SFT2D2: variants seen among roughly 807,000 people sequenced by gnomAD.
The protein encoded by SFT2D2 is SFT2 domain containing 2.
Under a neutral mutation model 27.4 loss-of-function variants are expected in SFT2D2, and 21 were observed. The ratio of observed to expected loss-of-function variants is 0.77; its 90% CI spans 0.54 to 1.10. SFT2D2 has a LOEUF of 1.10. Among genes scored for constraint, SFT2D2 ranks in the 50% least tolerant of loss-of-function variants. SFT2D2 has a pLI of 0.00. For synonymous variants in SFT2D2, 72 were observed against 71.7 expected (o/e 1.00, Z -0.02); for missense variants, 187 against 194.2 (o/e 0.96, Z 0.22).
At position 168,249,450 on chromosome 1, in the gene SFT2D2, G is replaced by C. The variant is rs1487510993; in HGVS notation, c.*6910G>C. The C allele has an allele frequency of 6.6e-6, 1 of 152,624 alleles. No homozygotes were observed. The highest frequency in any genetic ancestry group is 1.5e-5 in the Non-Finnish European group (1 of 68,096). 9.5% of individuals were successfully genotyped at this position (152,624 alleles called of 1,614,324 possible). On this transcript the variant is annotated 3_prime_UTR_variant, in exon 8 of 8. Transcript: ENST00000271375. ...AGGGTTTCACCATGTTGGCCAGGCTGGTCTCGAACTCCTGACCTCAAGTGA... is the reference window on the plus strand; with the variant it reads ...AGGGTTTCACCATGTTGGCCAGGCTCGTCTCGAACTCCTGACCTCAAGTGA...
At position 168,246,374 on chromosome 1, in the gene SFT2D2, G is replaced by T; in HGVS notation, c.*3834G>T. 1.7e-6 allele frequency: 1 copy of T among 571,976 alleles called. No individual in the cohort carries two copies. Among genetic ancestry groups the T allele is most frequent in the Non-Finnish European group, 2.9e-6 (1 of 348,024 alleles). 35.4% of individuals were successfully genotyped at this position (571,976 alleles called of 1,614,324 possible). A position where few individuals can be genotyped will look rare whatever the true frequency, so the allele number is the denominator to read the frequency against. The stretch of plus-strand genomic sequence containing the variant: ...GACATAATCTTACTTGCTTTTCTGT[G>T]CATTTTTCTACTTTATCTTGGCCAC... On this transcript the variant is annotated 3_prime_UTR_variant, in exon 8 of 8. Coordinates refer to ENST00000271375, the MANE Select transcript of SFT2D2 (RefSeq NM_199344.3).
chr1:168,232,655 C>T (rs1647356765), intron 3 of SFT2D2, among the ~76,000 whole-genome samples: 1 of 152,208 alleles, frequency 6.6e-6, no homozygotes, highest in African/African-American at 2.4e-5. Flanking sequence ...GCTCCTTCCT[C>T]TTTGTCCCCA....
chr1:168,232,106 G>T (rs1458880232), intron 3 of SFT2D2, among the ~76,000 whole-genome samples, 187 bp downstream of exon 3: 16 of 152,086 alleles, frequency 1.1e-4, no homozygotes, highest in Non-Finnish European at 2.9e-5. Context: ...GAAACACCTG[G>T]GAGAAAGCAG....
At position 168,235,130 on chromosome 1, in the gene SFT2D2, A is replaced by G. The variant is rs1229204310; in HGVS notation, c.266A>G (p.Gln89Arg). The G allele has an allele frequency of 6.2e-7, 1 of 1,614,228 alleles. No homozygotes were observed. The highest frequency in any genetic ancestry group is 1.1e-5 in the South Asian group (1 of 91,086). Residue 89 changes from glutamine to arginine, a missense_variant, in exon 4 of 8, where the codon CAG (glutamine) becomes CGG (arginine). Physicochemically the swap from Gln to Arg is conservative, Grantham distance 43. Transcript: ENST00000271375. Reference protein sequence around the residue: ...STIFLMGPVKQLKRMFEPTRL... With the variant: ...STIFLMGPVKRLKRMFEPTRL... The stretch of plus-strand genomic sequence containing the variant: ...ATCTTCCTCATGGGACCAGTGAAAC[A>G]GCTGAAGCGAATGTTTGAGCCTACT...
chr1:168,237,859 A>G (rs61808470), intron 6 of SFT2D2, among the ~76,000 whole-genome samples: 2 of 95,400 alleles, frequency 2.1e-5, no homozygotes, highest in African/African-American at 7.0e-5. Context: ...GTGTGTGTGT[A>G]TGTTTTTTTT....
In SFT2D2 at chr1:168,246,712, T is replaced by C. The variant is rs762604565; in HGVS notation, c.*4172T>C. 19 of 1,003,702 alleles carry C rather than the reference T, an allele frequency of 1.9e-5. No homozygotes were observed. Among genetic ancestry groups the C allele is most frequent in the Non-Finnish European group, 2.9e-5 (19 of 651,986 alleles). 62.2% of individuals were successfully genotyped at this position (1,003,702 alleles called of 1,614,324 possible). ...CAGTCTACGATGGTATGATTCCATT[T>C]CGTCAGTCTTTGCCTGCTTTGTTTT... On this transcript the variant is annotated 3_prime_UTR_variant, in exon 8 of 8. Transcript: ENST00000271375.
rs182944845 is a variant in SFT2D2 at position 168,240,024 on chromosome 1, T to A, written c.443+864T>A. Among the ~76,000 whole-genome samples the A allele has an allele frequency of 6.3e-3, 958 of 151,524 alleles. 7 individuals are homozygous for A. Among genetic ancestry groups the A allele is most frequent in the African/African-American group, 0.021 (857 of 41,316 alleles). On this transcript the variant is annotated intron_variant, in intron 7 of 7. Transcript: ENST00000271375. ...CCCCGTCTCTACTGAAAATACAAAATATTAGCTGGGCGTGGTGGCAGGCGC... is the reference window on the plus strand; with the variant it reads ...CCCCGTCTCTACTGAAAATACAAAAAATTAGCTGGGCGTGGTGGCAGGCGC...
In SFT2D2 at chr1:168,227,532, TGAAATTTAAC is replaced by T. The variant is rs566301315; in HGVS notation, c.63+1391_63+1400del. Among the ~76,000 whole-genome samples, 535 of 152,380 alleles carry T rather than the reference TGAAATTTAAC, an allele frequency of 3.5e-3. 3 individuals are homozygous for T. The highest frequency in any genetic ancestry group is 6.8e-3 in the Middle Eastern group (2 of 294). On this transcript the variant is annotated intron_variant, in intron 1 of 7. Transcript: ENST00000271375. The stretch of plus-strand genomic sequence containing the variant: ...CTATGGGATCGAATGTTGGAGTCAC[TGAAATTTAAC>T]TTTTTGATATTTCAAAACAAGTTGG...
intron 1 of SFT2D2, among the ~76,000 whole-genome samples, chr1:168,230,257 T>C (rs1700498699): frequency 6.6e-6 from 1 of 152,182 alleles, no homozygotes; most frequent in African/African-American, 2.4e-5. Flanking sequence ...CTACCTACCT[T>C]CTTCCATCAG....
chr1:168,229,025 C>T (rs1164547968), intron 1 of SFT2D2, among the ~76,000 whole-genome samples: 1 of 152,220 alleles, frequency 6.6e-6, no homozygotes, highest in Non-Finnish European at 1.5e-5. Flanking sequence ...GAACTTGCAA[C>T]CACATGTAAT....
intron 1 of SFT2D2, among the ~76,000 whole-genome samples, chr1:168,229,997 C>T (rs1331058575): frequency 6.6e-6 from 1 of 152,182 alleles, no homozygotes; most frequent in Admixed American, 6.5e-5. Context: ...CTAATTTGTG[C>T]CTTCTGTGCA....
rs1470342705 is a variant in SFT2D2 at position 168,252,024 on chromosome 1, CT to C, written c.*9486del. 2.6e-5 allele frequency: 4 copies of C among 152,192 alleles called. No homozygotes were observed. Among genetic ancestry groups the C allele is most frequent in the African/African-American group, 4.8e-5 (2 of 41,444 alleles). The allele number at this position is 152,192 out of a possible 1,614,324, so 9.4% of individuals were successfully genotyped here. ...TTTAGTTCCACTTTGGTTATTTTCACTTCTACCCTAAATTCATAGTCCCTGA... is the reference window on the plus strand; with the variant it reads ...TTTAGTTCCACTTTGGTTATTTTCACTCTACCCTAAATTCATAGTCCCTGA... On this transcript the variant is annotated 3_prime_UTR_variant, in exon 8 of 8. Transcript: ENST00000271375.
chr1:168,226,336 G>C (rs1286127394), intron 1 of SFT2D2, among the ~76,000 whole-genome samples, 194 bp downstream of exon 1: 1 of 151,796 alleles, frequency 6.6e-6, no homozygotes, highest in African/African-American at 2.4e-5. Context: ...GTCCTTTTCT[G>C]CCCCGCGCCC....
At position 168,252,213 on chromosome 1, in the gene SFT2D2, A is replaced by G. The variant is rs1435893854; in HGVS notation, c.*9673A>G. ...ATGTAGAAAATGATTTTTTGTAGAC[A>G]GGATGATCTGTCTAGATTGTAGCAA... On this transcript the variant is annotated 3_prime_UTR_variant, in exon 8 of 8. Transcript: ENST00000271375. The G allele has an allele frequency of 6.6e-6, 1 of 152,226 alleles. No homozygotes were observed. The highest frequency in any genetic ancestry group is 2.4e-5 in the African/African-American group (1 of 41,460). 9.4% of individuals were successfully genotyped at this position (152,226 alleles called of 1,614,324 possible).
intron 5 of SFT2D2, 29 bp downstream of exon 5, chr1:168,236,653 C>A: frequency 6.2e-7 from 1 of 1,613,532 alleles, no homozygotes; most frequent in Non-Finnish European, 8.5e-7. Context: ...TTTTCTTAAC[C>A]ATTTTGGCTT....
At chr1:168,238,520 A>T (rs1482578032) in intron 6 of SFT2D2, among the ~76,000 whole-genome samples, 1 of 151,922 alleles carries the variant, frequency 6.6e-6, no homozygotes, top group Non-Finnish European at 1.5e-5. Flanking sequence ...AACAAAAAAA[A>T]ACATTAAAAA....
At position 168,231,607 on chromosome 1, in the gene SFT2D2, T is replaced by C; in HGVS notation, c.150+7T>C. The stretch of plus-strand genomic sequence containing the variant: ...AATTCTCTGCTCACTGCTGGTAAGA[T>C]TTCCCTTCCTCCTCTGTCTTTTCCT... On this transcript the variant is annotated splice_region_variant and intron_variant, in intron 2 of 7. Transcript: ENST00000271375. 4 of 1,612,826 alleles carry C rather than the reference T, an allele frequency of 2.5e-6. No individual in the cohort carries two copies. In the African/African-American group the frequency reaches 4.0e-5, roughly 16 times the overall value.
chr1:168,236,565 TTAA>T, intron 4 of SFT2D2, 21 bp from the exon 5 acceptor site: 8 of 1,606,948 alleles, frequency 5.0e-6, no homozygotes, highest in Non-Finnish European at 6.8e-6. Flanking sequence ...TTGTCATTAA[TTAA>T]TGTTTCCTTT....
chr1:168,226,906 G>C (rs1017824625), intron 1 of SFT2D2, among the ~76,000 whole-genome samples: 1 of 151,998 alleles, frequency 6.6e-6, no homozygotes, highest in African/African-American at 2.4e-5. Flanking sequence ...TGCAGCCTCT[G>C]CCTCCTGGGT....
Sources: allele counts gnomAD v4.1 joint callset (sites outside exome capture counted in the v4.1 genomes callset), GRCh38; gene constraint gnomAD v4.1.1; transcripts MANE v1.5; gene names NCBI Gene and HGNC (gene_info 2026-07-23, HGNC 2026-07-21).